HDX: variants seen among roughly 807,000 people sequenced by gnomAD.
HDX encodes chromosome X open reading frame 43.
A neutral mutation model predicts 45.2 loss-of-function variants in HDX; 19 were observed. That is an observed-to-expected ratio of 0.42 (90% CI 0.29 to 0.62). HDX has a LOEUF of 0.62. Among genes scored for constraint, HDX ranks in the 20% least tolerant of loss-of-function variants. The pLI is 0.20. For missense variants in HDX, 532 were observed against 493.9 expected (o/e 1.08, Z -0.73); for synonymous variants, 188 against 172.8 (o/e 1.09, Z -0.69).
chrX:84,351,015 CT>C (rs1412964640), intron 6 of HDX, among the ~76,000 whole-genome samples: 3 of 66,273 alleles, frequency 4.5e-5, no homozygotes, highest in African/African-American at 2.2e-4. Context: ...TCCAGGCTAT[CT>C]ATCTATCTAT....
At chrX:84,449,994 T>C (rs1391584641) in intron 4 of HDX, among the ~76,000 whole-genome samples, 3 of 110,166 alleles carry the variant, frequency 2.7e-5, no homozygotes, top group Non-Finnish European at 3.8e-5. Flanking sequence ...TTGGGAGATA[T>C]ACCTAATGTT....
chrX:84,345,109 C>A (rs2037169034), intron 6 of HDX, among the ~76,000 whole-genome samples: 1 of 111,222 alleles, frequency 9.0e-6, no homozygotes, highest in Admixed American at 9.6e-5. Flanking sequence ...ACTGAATTTA[C>A]AACCAATTTT....
intron 9 of HDX, among the ~76,000 whole-genome samples, chrX:84,328,073 C>G (rs2036756359): frequency 9.0e-6 from 1 of 111,217 alleles, no homozygotes; most frequent in South Asian, 3.8e-4. Flanking sequence ...CCACATCAGT[C>G]TCCCAAAGTG....
intron 7 of HDX, among the ~76,000 whole-genome samples, 196 bp downstream of exon 7, chrX:84,344,051 ATTG>A (rs2037144875): frequency 9.0e-6 from 1 of 111,718 alleles, no homozygotes; most frequent in Non-Finnish European, 1.9e-5. Context: ...GGAGATTATT[ATTG>A]TTGTTGATGA....
At chrX:84,487,429 C>G (rs2040817302) in intron 2 of HDX, among the ~76,000 whole-genome samples, 1 of 112,102 alleles carries the variant, frequency 8.9e-6, no homozygotes, top group African/African-American at 3.2e-5. Flanking sequence ...ACACAGTTAG[C>G]AGGCAATCTA....
At chrX:84,337,894 T>C (rs2036999862) in intron 7 of HDX, among the ~76,000 whole-genome samples, 1 of 111,236 alleles carries the variant, frequency 9.0e-6, no homozygotes, top group Non-Finnish European at 1.9e-5. Context: ...GGTGTCTGCA[T>C]GTATAATCCC....
intron 4 of HDX, among the ~76,000 whole-genome samples, chrX:84,451,856 G>A (rs2148091357): frequency 8.9e-6 from 1 of 111,837 alleles, no homozygotes; most frequent in South Asian, 3.7e-4. Context: ...TCCCAGGGAT[G>A]CTAGGATGGT....
intron 5 of HDX, among the ~76,000 whole-genome samples, chrX:84,381,365 C>T (rs1186703452): frequency 5.4e-5 from 6 of 110,544 alleles, no homozygotes; most frequent in African/African-American, 2.0e-4. Context: ...TTTATACAGA[C>T]CCACAAAGAC....
Position 84,468,462 on chromosome X carries a change from T to C in HDX, c.1251+10A>G, listed in dbSNP as rs2040394951. 1.8e-6 allele frequency: 2 copies of C among 1,081,981 alleles called. No individual in the cohort carries two copies. Among genetic ancestry groups the C allele is most frequent in the South Asian group, 4.4e-5 (2 of 44,987 alleles). 89.2% of individuals were successfully genotyped at this position (1,081,981 alleles called of 1,213,427 possible). On this transcript the variant is annotated intron_variant, in intron 4 of 10. Transcript: ENST00000373177. The stretch of plus-strand genomic sequence containing the variant: ...TTTTAAAACCTTTATAAAATAAATT[T>C]ACACATTACCTGGTAATTGTTTTGG...
chrX:84,425,520 G>T (rs2039364719), intron 5 of HDX, among the ~76,000 whole-genome samples: 1 of 112,082 alleles, frequency 8.9e-6, no homozygotes, highest in Non-Finnish European at 1.9e-5. Flanking sequence ...GCACTCCTAT[G>T]TTGCAGCGCT....
intron 9 of HDX, among the ~76,000 whole-genome samples, chrX:84,328,363 C>G (rs1174611409): frequency 9.1e-6 from 1 of 110,309 alleles, no homozygotes; most frequent in Non-Finnish European, 1.9e-5. Context: ...CAGTGAGACC[C>G]TATGTCAACA....
intron 3 of HDX, among the ~76,000 whole-genome samples, chrX:84,473,297 A>G (rs1243579535): frequency 1.1e-5 from 1 of 90,920 alleles, no homozygotes; most frequent in East Asian, 3.6e-4. Flanking sequence ...TCTTAGTAAA[A>G]ATAAAGAAAG....
chrX:84,417,840 A>G (rs907563513), intron 5 of HDX, among the ~76,000 whole-genome samples: 2 of 111,736 alleles, frequency 1.8e-5, no homozygotes, highest in African/African-American at 6.5e-5. Flanking sequence ...GGTCAACACC[A>G]TATACAAGGC....
At chrX:84,361,644 T>G in intron 5 of HDX, 32 bp from the exon 6 acceptor site, 1 of 1,089,970 alleles carries the variant, frequency 9.2e-7, no homozygotes, top group Non-Finnish European at 1.2e-6. Context: ...TGTTTTGAAT[T>G]TTAAAGTTTA....
At chrX:84,477,301 G>C (rs2148160773) in intron 2 of HDX, among the ~76,000 whole-genome samples, 1 of 111,841 alleles carries the variant, frequency 8.9e-6, no homozygotes, top group South Asian at 3.7e-4. Context: ...ACTGCAAAAA[G>C]CCTAAAGTAC....
At chrX:84,457,272 C>T (rs1055045290) in intron 4 of HDX, among the ~76,000 whole-genome samples, 5 of 111,400 alleles carry the variant, frequency 4.5e-5, no homozygotes, top group African/African-American at 9.8e-5. Context: ...ACATGGTTTA[C>T]GATTTTTTAA....
At chrX:84,481,876 C>A (rs760322876) in intron 2 of HDX, among the ~76,000 whole-genome samples, 1 of 111,190 alleles carries the variant, frequency 9.0e-6, no homozygotes, top group South Asian at 3.8e-4. Flanking sequence ...CATCCCTCCC[C>A]ACTTTTGGAG....
At position 84,332,382 on chromosome X, in the gene HDX, C is replaced by T. The variant is rs1022847833; in HGVS notation, c.1824+1377G>A. On this transcript the variant is annotated intron_variant, in intron 9 of 10. Coordinates refer to ENST00000373177, the MANE Select transcript of HDX (RefSeq NM_001177479.2). ...ACAGAATTTATTACAATGGAAAACA[C>T]TGGATTAATACAATGCTCTTGAGAG... Among the ~76,000 whole-genome samples the T allele has an allele frequency of 3.6e-5, 4 of 111,409 alleles. No homozygotes were observed. In the Admixed American group the frequency reaches 3.8e-4, roughly 11 times the overall value.
intron 6 of HDX, among the ~76,000 whole-genome samples, chrX:84,360,409 GTTA>G (rs1189575021): frequency 9.0e-6 from 1 of 111,631 alleles, no homozygotes; most frequent in Non-Finnish European, 1.9e-5. Flanking sequence ...TTTAAACAAT[GTTA>G]TTGAGATATA....
Sources: allele counts gnomAD v4.1 joint callset (sites outside exome capture counted in the v4.1 genomes callset), GRCh38; gene constraint gnomAD v4.1.1; transcripts MANE v1.5; gene names NCBI Gene and HGNC (gene_info 2026-07-23, HGNC 2026-07-21).